The following CSMD2 variants were observed in gnomAD, a reference collection of about 807,000 sequenced individuals.
CSMD2 encodes the protein CUB and sushi domain-containing protein 2.
CSMD2 carries 130 observed loss-of-function variants against 398.5 expected under a neutral mutation model. That is an observed-to-expected ratio of 0.33 (90% CI 0.28 to 0.38). CSMD2 has a LOEUF of 0.38. Ranked by LOEUF, CSMD2 falls within the 10% of genes least tolerant of loss-of-function variation. The pLI, the probability that CSMD2 is intolerant of heterozygous loss-of-function variation, is 1.00. For synonymous variants in CSMD2, 1,828 were observed against 1,908.5 expected, an observed-to-expected ratio of 0.96 and a Z score of 1.10; for missense variants, 3,829 against 4,764.9, an observed-to-expected ratio of 0.80 and a Z score of 5.78.
rs1653858361 is a variant in CSMD2 at position 33,788,732 on chromosome 1, T to C, written c.1551-20A>G. On this transcript the variant is annotated intron_variant, in intron 11 of 70. Transcript: ENST00000373381. ...GTCAGGCTGGCAGGAGAGAGATATT[T>C]AGAGGTGTGCTCTCCACCATGACAC... is the stretch of plus-strand genomic sequence containing the variant. The C allele has an allele frequency of 1.4e-6, 2 of 1,428,742 alleles. No individual in the cohort carries two copies. The highest frequency in any genetic ancestry group is 2.8e-5 in the African/African-American group (2 of 71,294). The allele number at this position is 1,428,742 out of a possible 1,614,324, so 88.5% of individuals were successfully genotyped here.
intron 3 of CSMD2, among the ~76,000 whole-genome samples, chr1:34,008,653 G>C (rs1318200674): frequency 1.3e-5 from 2 of 152,210 alleles, no homozygotes; most frequent in African/African-American, 4.8e-5. Context: ...CAGATGGGCA[G>C]CTTCTAATAA....
intron 3 of CSMD2, among the ~76,000 whole-genome samples, chr1:33,989,867 C>T (rs1646490072): frequency 6.6e-6 from 1 of 152,084 alleles, no homozygotes; most frequent in South Asian, 2.1e-4. Context: ...AGAACCGGCA[C>T]AAAGAAACTT....
chr1:33,725,256 C>T (rs1374200482), intron 17 of CSMD2, 93 bp downstream of exon 17: 5 of 1,076,940 alleles, frequency 4.6e-6, no homozygotes, highest in Middle Eastern at 3.0e-4. Flanking sequence ...GGGATGGGGC[C>T]AAGCAGGGGC....
intron 5 of CSMD2, among the ~76,000 whole-genome samples, chr1:33,883,430 T>C (rs1162704552): frequency 1.3e-5 from 2 of 152,130 alleles, no homozygotes. Context: ...TAGGGCAAAT[T>C]GTGGATGGTT....
At chr1:34,039,834 A>G (rs1651629499) in intron 2 of CSMD2, among the ~76,000 whole-genome samples, 1 of 152,192 alleles carries the variant, frequency 6.6e-6, no homozygotes, top group African/African-American at 2.4e-5. Flanking sequence ...GCAGGGGGAT[A>G]GTAGATAAAC....
chr1:33,909,229 A>C (rs1029431535), intron 5 of CSMD2, among the ~76,000 whole-genome samples: 9 of 152,116 alleles, frequency 5.9e-5, no homozygotes, highest in Non-Finnish European at 1.0e-4. Flanking sequence ...CCATGTACGA[A>C]GTTCAGGAGC....
At chr1:34,079,092 C>T (rs1319444178) in intron 2 of CSMD2, among the ~76,000 whole-genome samples, 3 of 152,146 alleles carry the variant, frequency 2.0e-5, no homozygotes, top group Admixed American at 2.0e-4. Context: ...CAAATCATGC[C>T]AAAATCCTCT....
At chr1:33,952,689 CACACACACACACAT>C (rs1645043806) in intron 3 of CSMD2, among the ~76,000 whole-genome samples, 1 of 145,044 alleles carries the variant, frequency 6.9e-6, no homozygotes, top group African/African-American at 2.9e-5. Context: ...CACACACACA[CACACACACACACAT>C]GCACACACAC....
intron 25 of CSMD2, among the ~76,000 whole-genome samples, chr1:33,666,380 T>G (rs1346330372): frequency 6.6e-6 from 1 of 152,242 alleles, no homozygotes; most frequent in Non-Finnish European, 1.5e-5. Flanking sequence ...TTATGTACTT[T>G]GCAAAGTTTT....
At chr1:33,666,084 T>G (rs1571146755) in intron 25 of CSMD2, among the ~76,000 whole-genome samples, 1 of 152,174 alleles carries the variant, frequency 6.6e-6, no homozygotes, top group Non-Finnish European at 1.5e-5. Context: ...GACTCTTCTC[T>G]CAAGTCCAGT....
chr1:33,706,851 T>C (rs1400188383), intron 22 of CSMD2, among the ~76,000 whole-genome samples: 4 of 151,276 alleles, frequency 2.6e-5, no homozygotes, highest in African/African-American at 2.4e-5. Flanking sequence ...CGTGTGTGCA[T>C]TGTGTGCGTG....
chr1:33,653,540 G>A lies in CSMD2; in HGVS notation c.4448-1079C>T, dbSNP rs959857881. ...TGGAGCTATTATTAATCCCCAATCA[G>A]TCTACGTGGTCGCCCTCCCCTGAGA... On this transcript the variant is annotated intron_variant, in intron 27 of 70. Coordinates refer to ENST00000373381, the MANE Select transcript of CSMD2 (RefSeq NM_001281956.2). Among the ~76,000 whole-genome samples, 4 of 152,138 alleles carry A rather than the reference G, an allele frequency of 2.6e-5. No individual in the cohort carries two copies. The South Asian group carries it at 6.2e-4, about 24-fold the overall frequency.
At chr1:34,122,956 A>T (rs1662343379) in intron 1 of CSMD2, among the ~76,000 whole-genome samples, 1 of 152,214 alleles carries the variant, frequency 6.6e-6, no homozygotes, top group South Asian at 2.1e-4. Flanking sequence ...GCTTTGCCTC[A>T]TGAAATTCTC....
chr1:33,573,685 G>A lies in CSMD2; in HGVS notation c.7577-994C>T, dbSNP rs575404991. Among the ~76,000 whole-genome samples the A allele has an allele frequency of 2.0e-5, 3 of 152,216 alleles. No individual in the cohort carries two copies. The East Asian group carries it at 5.8e-4, about 29-fold the overall frequency. On this transcript the variant is annotated intron_variant, in intron 49 of 70. Coordinates refer to ENST00000373381, the MANE Select transcript of CSMD2 (RefSeq NM_001281956.2). ...ACACGGATCAATCCTCAATACAGAA[G>A]GTCCAGCATCCAACTGTTCAGAGCT... is the stretch of plus-strand genomic sequence containing the variant.
At chr1:34,113,275 A>G (rs1348584447) in intron 1 of CSMD2, among the ~76,000 whole-genome samples, 1 of 152,152 alleles carries the variant, frequency 6.6e-6, no homozygotes, top group Admixed American at 6.5e-5. Context: ...GGGTCTTAAA[A>G]CGCATGAGTT....
intron 1 of CSMD2, among the ~76,000 whole-genome samples, chr1:34,128,993 A>C: frequency 9.9e-6 from 1 of 101,520 alleles, no homozygotes; most frequent in African/African-American, 3.9e-5. Flanking sequence ...CGTCCACTAC[A>C]TACATGTGTA....
intron 56 of CSMD2, among the ~76,000 whole-genome samples, chr1:33,547,080 A>G (rs1292456883): frequency 6.6e-6 from 1 of 152,074 alleles, no homozygotes; most frequent in Non-Finnish European, 1.5e-5. Flanking sequence ...CCTACTCACA[A>G]ATTATGCCAT....
chr1:33,717,180 T>C (rs545182700), intron 19 of CSMD2, among the ~76,000 whole-genome samples: 33 of 152,184 alleles, frequency 2.2e-4, no homozygotes, highest in African/African-American at 7.7e-4. Context: ...CTCCTGGAAT[T>C]GAAGCTGGAT....
intron 2 of CSMD2, among the ~76,000 whole-genome samples, chr1:34,086,020 G>GAAAAAA (rs146332740): frequency 2.3e-5 from 3 of 130,180 alleles, no homozygotes; most frequent in Non-Finnish European, 4.9e-5. Flanking sequence ...AAGTTTCCTG[G>GAAAAAA]AAAAAAAAAA....
Sources: allele counts gnomAD v4.1 joint callset (sites outside exome capture counted in the v4.1 genomes callset), GRCh38; gene constraint gnomAD v4.1.1; transcripts MANE v1.5; gene names NCBI Gene and HGNC (gene_info 2026-07-23, HGNC 2026-07-21).